GABRR3: variants seen among roughly 807,000 people sequenced by gnomAD.
GABRR3 encodes gamma-aminobutyric acid receptor subunit rho-3.
In GABRR3, 29 loss-of-function variants were observed where a neutral mutation model predicts 43.2. The observed-to-expected ratio is 0.67, with a 90% CI of 0.50 to 0.92. The LOEUF is 0.92. Among genes scored for constraint, GABRR3 ranks in the 40% least tolerant of loss-of-function variants. The pLI, the probability that GABRR3 is intolerant of heterozygous loss-of-function variation, is 0.00. For missense variants in GABRR3, 576 were observed against 572.3 expected, an observed-to-expected ratio of 1.01 and a Z score of -0.07; for synonymous variants, 206 against 195.9, an observed-to-expected ratio of 1.05 and a Z score of -0.43.
At position 98,001,472 on chromosome 3, in the gene GABRR3, T is replaced by A. The variant is rs1706640487; in HGVS notation, c.907+143A>T. ...CAATTTGCCCTTGAGGATGTCAAGA[T>A]CGATACTGCAACCTGGATGTTCATC... On this transcript the variant is annotated intron_variant, in intron 8 of 9. Transcript: ENST00000621172. 12 of 844,618 alleles carry A rather than the reference T, an allele frequency of 1.4e-5. No homozygotes were observed. In the East Asian group the frequency reaches 3.2e-4, roughly 23 times the overall value. 52.3% of individuals were successfully genotyped at this position (844,618 alleles called of 1,614,324 possible).
At chr3:98,011,149 T>A (rs1460324570) in intron 5 of GABRR3, among the ~76,000 whole-genome samples, 1 of 152,194 alleles carries the variant, frequency 6.6e-6, no homozygotes, top group Non-Finnish European at 1.5e-5. Context: ...TTCCTTTAAT[T>A]GCATTTTAAG....
chr3:98,029,501 C>T (rs183652265), intron 2 of GABRR3, among the ~76,000 whole-genome samples: 126 of 152,126 alleles, frequency 8.3e-4, no homozygotes, highest in African/African-American at 2.8e-3. Context: ...ACTCATTCTG[C>T]GGCATTGGAG....
At chr3:97,985,868 T>A (rs1438879927), downstream of GABRR3, among the ~76,000 whole-genome samples, 1 of 150,554 alleles carries the variant, frequency 6.6e-6, no homozygotes, top group Admixed American at 6.6e-5. Flanking sequence ...TATTTTTTTT[T>A]ATTTTATTTA....
chr3:97,992,450 G>C (rs1281230344), intron 9 of GABRR3, among the ~76,000 whole-genome samples: 3 of 152,168 alleles, frequency 2.0e-5, no homozygotes, highest in Non-Finnish European at 4.4e-5. Context: ...CTTGGTGTGA[G>C]AGTTCACTGA....
rs1706637606 is a variant in GABRR3 at position 98,001,344 on chromosome 3, T to C, written c.907+271A>G. 7.1e-6 allele frequency: 3 copies of C among 423,964 alleles called. No homozygotes were observed. In the South Asian group the frequency reaches 1.2e-4, roughly 17 times the overall value. The allele number at this position is 423,964 out of a possible 1,614,324, so 26.3% of individuals were successfully genotyped here. On this transcript the variant is annotated intron_variant, in intron 8 of 9. Transcript: ENST00000621172. ...TAAGCTTTAAAAGTGAGGCTGTTTA[T>C]GCTTCATAATTTCACCCCCTTTCTT...
At chr3:97,993,142 A>G in intron 8 of GABRR3, 94 bp from the exon 9 acceptor site, 1 of 987,388 alleles carries the variant, frequency 1.0e-6, no homozygotes, top group East Asian at 2.7e-5. Context: ...TTCTAGAACA[A>G]TATCAACCTG....
At chr3:98,027,141 TA>T (rs921360907) in intron 2 of GABRR3, among the ~76,000 whole-genome samples, 28 of 151,396 alleles carry the variant, frequency 1.8e-4, no homozygotes, top group African/African-American at 2.4e-4. Context: ...AACTATTTAT[TA>T]AAAAAAAATA....
At chr3:97,992,271 C>T (rs929135113) in intron 9 of GABRR3, among the ~76,000 whole-genome samples, 1 of 152,184 alleles carries the variant, frequency 6.6e-6, no homozygotes, top group African/African-American at 2.4e-5. Flanking sequence ...TGCTGGCTCT[C>T]GATGGAGAGA....
At chr3:97,994,181 T>A (rs1706506464) in intron 8 of GABRR3, among the ~76,000 whole-genome samples, 1 of 152,218 alleles carries the variant, frequency 6.6e-6, no homozygotes, top group Admixed American at 6.5e-5. Context: ...TGTGATTTAC[T>A]CCTAAATGTA....
At chr3:98,001,800 A>C in intron 7 of GABRR3, 33 bp from the exon 8 acceptor site, 2 of 1,611,424 alleles carry the variant, frequency 1.2e-6, no homozygotes, top group South Asian at 2.2e-5. Context: ...TCATTAGAGC[A>C]AGCTTCCCCT....
chr3:98,029,956 A>T lies in GABRR3; in HGVS notation c.126-4277T>A, dbSNP rs562607097. Among the ~76,000 whole-genome samples, 6 of 151,974 alleles carry T rather than the reference A, an allele frequency of 3.9e-5. No homozygotes were observed. In the South Asian group the frequency reaches 1.3e-3, roughly 32 times the overall value. Reference sequence around the variant, plus strand: ...CATGGTAAACCCCATCTCTACTAAAAATACAAAAATTAGCCAGGTGTGGTG... The same window carrying T: ...CATGGTAAACCCCATCTCTACTAAATATACAAAAATTAGCCAGGTGTGGTG... On this transcript the variant is annotated intron_variant, in intron 2 of 9. Transcript: ENST00000621172.
At chr3:98,034,747 A>G in intron 2 of GABRR3, 116 bp downstream of exon 2, 1 of 1,257,730 alleles carries the variant, frequency 8.0e-7, no homozygotes, top group Admixed American at 1.9e-5. Flanking sequence ...AGAGACAGAC[A>G]TGGTTACAAA....
At position 98,026,260 on chromosome 3, in the gene GABRR3, A is replaced by G. The variant is rs187588158; in HGVS notation, c.126-581T>C. 3.0e-4 allele frequency among the ~76,000 whole-genome samples: 45 copies of G among 152,312 alleles called. No individual in the cohort carries two copies. The East Asian group carries it at 8.5e-3, about 29-fold the overall frequency. On this transcript the variant is annotated intron_variant, in intron 2 of 9. Transcript: ENST00000621172. ...GCAGAATTCCCATCCGGGGTTCTAG[A>G]GCCTGAGGGATGGCAATATTTATGC...
At chr3:97,992,831 A>G (rs879679100) in intron 9 of GABRR3, 21 bp downstream of exon 9, 1 of 1,574,812 alleles carries the variant, frequency 6.3e-7, no homozygotes, top group Admixed American at 1.8e-5. Context: ...AAGGGATCTG[A>G]TAGTCAGAGC....
chr3:98,010,627 A>G (rs1706777936), intron 5 of GABRR3, among the ~76,000 whole-genome samples: 1 of 152,232 alleles, frequency 6.6e-6, no homozygotes, highest in African/African-American at 2.4e-5. Context: ...GCTAGGGCCA[A>G]ATATTTCCTG....
chr3:98,033,598 G>A (rs769962575), intron 2 of GABRR3, among the ~76,000 whole-genome samples: 4 of 152,150 alleles, frequency 2.6e-5, no homozygotes, highest in South Asian at 2.1e-4. Context: ...GACTGTACAA[G>A]TCTACTCTAT....
At chr3:98,011,227 G>A (rs898717956) in intron 5 of GABRR3, among the ~76,000 whole-genome samples, 4 of 152,140 alleles carry the variant, frequency 2.6e-5, no homozygotes, top group Admixed American at 1.3e-4. Context: ...TATTTTTAAC[G>A]AGCAAAAATA....
At chr3:97,990,366 G>A (rs538464934) in intron 9 of GABRR3, among the ~76,000 whole-genome samples, 16 of 151,426 alleles carry the variant, frequency 1.1e-4, no homozygotes, top group South Asian at 6.3e-4. Context: ...TTTTTTAGAC[G>A]GAGTCTTATT....
intron 2 of GABRR3, among the ~76,000 whole-genome samples, chr3:98,030,114 GAAA>G (rs35867090): frequency 7.1e-6 from 1 of 139,968 alleles, no homozygotes; most frequent in African/African-American, 2.7e-5. Flanking sequence ...GACTGTCTTG[GAAA>G]AAAAAAAAAA....
Sources: gnomAD v4.1 joint callset for allele counts (sites outside exome capture counted in the v4.1 genomes callset) on GRCh38, gnomAD v4.1.1 for gene constraint, MANE v1.5 for transcripts, NCBI Gene and HGNC (gene_info 2026-07-23, HGNC 2026-07-21) for gene names.